Variants in GNA13 observed in about 807,000 individuals in gnomAD.
GNA13 encodes the protein G protein subunit alpha 13.
GNA13 carries 4 observed loss-of-function variants against 33.5 expected under a neutral mutation model. The observed-to-expected ratio is 0.12, with a 90% CI of 0.06 to 0.27. GNA13 has a LOEUF of 0.27. GNA13 is among the 10% of genes least tolerant of loss of function. GNA13 has a pLI of 1.00. For synonymous variants in GNA13, 176 were observed against 183.8 expected (o/e 0.96, Z 0.34); for missense variants, 319 against 487.2 (o/e 0.65, Z 3.25).
chr17:65,046,638 C>T (rs944592252), intron 2 of GNA13, among the ~76,000 whole-genome samples: 5 of 152,208 alleles, frequency 3.3e-5, no homozygotes, highest in African/African-American at 9.6e-5. Flanking sequence ...GAAAGATAAG[C>T]AGGGAACATT....
At position 65,011,130 on chromosome 17, in the gene GNA13, G is replaced by T. The variant is rs1249600963; in HGVS notation, c.*3127C>A. 4.8e-6 allele frequency: 1 copy of T among 206,224 alleles called. No homozygotes were observed. The highest frequency in any genetic ancestry group is 9.9e-6 in the Non-Finnish European group (1 of 101,090). 12.8% of individuals were successfully genotyped at this position (206,224 alleles called of 1,614,324 possible). A position where few individuals can be genotyped will look rare whatever the true frequency, so the allele number is the denominator to read the frequency against. On this transcript the variant is annotated 3_prime_UTR_variant, in exon 4 of 4. Coordinates refer to ENST00000439174, the MANE Select transcript of GNA13 (RefSeq NM_006572.6). ...AATTTCTTCTTACAAAAAATGATAAGGACATATGGTATTTGTTGAATCTAA... is the reference window on the plus strand; with the variant it reads ...AATTTCTTCTTACAAAAAATGATAATGACATATGGTATTTGTTGAATCTAA...
chr17:65,027,588 T>C (rs1021040492), intron 2 of GNA13, among the ~76,000 whole-genome samples: 2 of 152,236 alleles, frequency 1.3e-5, no homozygotes, highest in African/African-American at 4.8e-5. Context: ...CTACAATGTA[T>C]TGTTCCTGGG....
chr17:65,053,732 TG>T lies in GNA13; in HGVS notation c.284-5del, dbSNP rs1907938955. On this transcript the variant is annotated splice_polypyrimidine_tract_variant and splice_region_variant and intron_variant, in intron 1 of 3. Transcript: ENST00000439174. ...GCATCAACCAGCACCCTCATACCTTTGTTTAAAAAGAAGAAAAAAAATGTAT... is the reference window on the plus strand; with the variant it reads ...GCATCAACCAGCACCCTCATACCTTTTTTAAAAAGAAGAAAAAAAATGTAT... 14 of 1,591,008 alleles carry T rather than the reference TG, an allele frequency of 8.8e-6. No individual in the cohort carries two copies. In the East Asian group the frequency reaches 3.1e-4, roughly 36 times the overall value.
Position 65,012,285 on chromosome 17 carries a change from C to G in GNA13, c.*1972G>C. The G allele has an allele frequency of 4.5e-6, 1 of 223,016 alleles. No individual in the cohort carries two copies. Among genetic ancestry groups the G allele is most frequent in the Non-Finnish European group, 9.0e-6 (1 of 111,676 alleles). 13.8% of individuals were successfully genotyped at this position (223,016 alleles called of 1,614,324 possible). On this transcript the variant is annotated 3_prime_UTR_variant, in exon 4 of 4. Transcript: ENST00000439174. ...CCCTCACTGGAGTCAAATGTTTTGGCCATTCAATTTGCTAAATGTATGGGT... is the reference window on the plus strand; with the variant it reads ...CCCTCACTGGAGTCAAATGTTTTGGGCATTCAATTTGCTAAATGTATGGGT...
intron 2 of GNA13, among the ~76,000 whole-genome samples, chr17:65,045,613 T>C (rs1907632913): frequency 2.0e-5 from 3 of 152,058 alleles, no homozygotes; most frequent in Admixed American, 2.0e-4. Context: ...AACTGAACCT[T>C]TACCAAGCTG....
chr17:65,026,194 C>G (rs1425724594), intron 2 of GNA13, among the ~76,000 whole-genome samples: 1 of 150,592 alleles, frequency 6.6e-6, no homozygotes, highest in African/African-American at 2.5e-5. Flanking sequence ...TCACTACTCT[C>G]CACCAAAATA....
intron 2 of GNA13, among the ~76,000 whole-genome samples, chr17:65,031,602 A>T (rs1907013189): frequency 6.6e-6 from 1 of 152,202 alleles, no homozygotes; most frequent in Non-Finnish European, 1.5e-5. Flanking sequence ...GTTTTTATAT[A>T]CCTATAATAT....
rs1239082615 is a variant in GNA13 at position 65,012,030 on chromosome 17, T to A, written c.*2227A>T. On this transcript the variant is annotated 3_prime_UTR_variant, in exon 4 of 4. Transcript: ENST00000439174. ...TCATTGCCTCAAAATATAGTCTAGA[T>A]TTTAAAAGAATGTTGATTCTGAGAC... The A allele has an allele frequency of 4.4e-6, 1 of 228,234 alleles. No homozygotes were observed. The highest frequency in any genetic ancestry group is 8.7e-6 in the Non-Finnish European group (1 of 115,076). 14.1% of individuals were successfully genotyped at this position (228,234 alleles called of 1,614,324 possible).
At chr17:65,055,809 G>A (rs1034139580) in intron 1 of GNA13, 63 of 970,554 alleles carry the variant, frequency 6.5e-5, no homozygotes, top group East Asian at 2.3e-4. Context: ...TTAGGAGACG[G>A]CCAAGGAAGC....
At chr17:65,034,740 C>T (rs368871752) in intron 2 of GNA13, among the ~76,000 whole-genome samples, 20 of 152,152 alleles carry the variant, frequency 1.3e-4, no homozygotes, top group African/African-American at 4.3e-4. Context: ...AATGCTTCAT[C>T]GTGGAGAAAC....
chr17:65,046,050 ATCTT>A (rs1164112120), intron 2 of GNA13, among the ~76,000 whole-genome samples: 1 of 152,110 alleles, frequency 6.6e-6, no homozygotes, highest in Middle Eastern at 3.2e-3. Flanking sequence ...ATCTCAAGGG[ATCTT>A]TCTGAGTCTC....
intron 1 of GNA13, among the ~76,000 whole-genome samples, chr17:65,054,906 G>A (rs1907984693): frequency 1.3e-5 from 2 of 152,140 alleles, no homozygotes; most frequent in South Asian, 4.1e-4. Flanking sequence ...ATTACAGCAG[G>A]ATAAATACAA....
intron 2 of GNA13, among the ~76,000 whole-genome samples, chr17:65,028,183 G>A (rs547403390): frequency 1.3e-5 from 2 of 152,266 alleles, no homozygotes; most frequent in South Asian, 2.1e-4. Context: ...CTGAGATCGC[G>A]TCACTGCACT....
intron 2 of GNA13, among the ~76,000 whole-genome samples, chr17:65,031,917 AGAGAGTGTGTGTGTGT>A (rs1220188393): frequency 4.5e-4 from 58 of 128,240 alleles, no homozygotes; most frequent in African/African-American, 1.7e-3. Context: ...AGAGAGAGAG[AGAGAGTGTGTGTGTGT>A]GTGTGTGTGT....
chr17:65,041,593 C>T (rs1598494990), intron 2 of GNA13, among the ~76,000 whole-genome samples: 1 of 152,070 alleles, frequency 6.6e-6, no homozygotes, highest in Admixed American at 6.6e-5. Context: ...GTACTCTCAA[C>T]GCCTCTGCTA....
At chr17:65,047,561 A>T (rs1237675432) in intron 2 of GNA13, among the ~76,000 whole-genome samples, 1 of 152,210 alleles carries the variant, frequency 6.6e-6, no homozygotes, top group African/African-American at 2.4e-5. Context: ...AAAATGGACC[A>T]ATCATCCAAA....
intron 2 of GNA13, among the ~76,000 whole-genome samples, chr17:65,035,438 A>C (rs1907206903): frequency 6.6e-6 from 1 of 152,222 alleles, no homozygotes; most frequent in South Asian, 2.1e-4. Context: ...ATCGTATTCA[A>C]ATACTGGAAG....
intron 2 of GNA13, among the ~76,000 whole-genome samples, chr17:65,044,611 G>A (rs1249688582): frequency 6.6e-6 from 1 of 151,088 alleles, no homozygotes; most frequent in Non-Finnish European, 1.5e-5. Context: ...GACCAGCCTG[G>A]GCAACCCAGC....
In GNA13 at chr17:65,011,148, G is replaced by C. The variant is rs934289190; in HGVS notation, c.*3109C>G. 1 of 206,370 alleles carries C rather than the reference G, an allele frequency of 4.8e-6. No homozygotes were observed. The highest frequency in any genetic ancestry group is 2.3e-5 in the African/African-American group (1 of 43,844). The allele number at this position is 206,370 out of a possible 1,614,324, so 12.8% of individuals were successfully genotyped here. A position where few individuals can be genotyped will look rare whatever the true frequency, so the allele number is the denominator to read the frequency against. On this transcript the variant is annotated 3_prime_UTR_variant, in exon 4 of 4. Coordinates refer to ENST00000439174, the MANE Select transcript of GNA13 (RefSeq NM_006572.6). ...ATGATAAGGACATATGGTATTTGTT[G>C]AATCTAAATCAGCACTTCTAATCAT...
Sources: gnomAD v4.1 joint callset for allele counts (sites outside exome capture counted in the v4.1 genomes callset) on GRCh38, gnomAD v4.1.1 for gene constraint, MANE v1.5 for transcripts, NCBI Gene and HGNC (gene_info 2026-07-23, HGNC 2026-07-21) for gene names.